HS1BP3: variants seen among roughly 807,000 people sequenced by gnomAD.
HS1BP3 encodes HCLS1 binding protein 3.
A neutral mutation model predicts 33.5 loss-of-function variants in HS1BP3; 32 were observed. That is an observed-to-expected ratio of 0.95 (90% confidence interval 0.72 to 1.28). The LOEUF (loss-of-function observed/expected upper bound fraction) is 1.28, where lower values mean the gene tolerates loss of function less well. HS1BP3 is among the 50% of genes most tolerant of loss of function. HS1BP3 has a pLI of 0.00. For synonymous variants in HS1BP3, 187 were observed against 209.2 expected (o/e 0.89, Z 0.92); for missense variants, 486 against 502.3 (o/e 0.97, Z 0.31).
intron 4 of HS1BP3, among the ~76,000 whole-genome samples, chr2:20,628,903 G>A (rs554342227): frequency 6.6e-6 from 1 of 152,280 alleles, no homozygotes; most frequent in South Asian, 2.1e-4. Context: ...GACCCCTTAG[G>A]TTTGCAGCAG....
downstream of HS1BP3, among the ~76,000 whole-genome samples, chr2:20,558,272 A>G (rs568890298): frequency 6.6e-6 from 1 of 152,184 alleles, no homozygotes; most frequent in East Asian, 1.9e-4. Context: ...GGGGAAGGTA[A>G]TGGAAGGGGT....
At chr2:20,602,739 T>C (rs973884193) in intron 2 of HS1BP3, among the ~76,000 whole-genome samples, 4 of 152,212 alleles carry the variant, frequency 2.6e-5, no homozygotes, top group Non-Finnish European at 5.9e-5. Flanking sequence ...TTGGAGTTCA[T>C]CAAAATTTTA....
intron 6 of HS1BP3, 31 bp downstream of exon 6, chr2:20,623,865 C>T (rs1694681649): frequency 1.2e-6 from 2 of 1,600,454 alleles, no homozygotes; most frequent in African/African-American, 1.3e-5. Context: ...ACTCTCAGAG[C>T]TGGCCAAGCG....
intron 2 of HS1BP3, among the ~76,000 whole-genome samples, chr2:20,601,919 A>C (rs1429724877): frequency 6.6e-6 from 1 of 150,906 alleles, no homozygotes; most frequent in Non-Finnish European, 1.5e-5. Context: ...AAGAGTTTGG[A>C]TTTTATCAGG....
At chr2:20,591,957 G>A (rs1693826170), downstream of HS1BP3, among the ~76,000 whole-genome samples, 1 of 152,152 alleles carries the variant, frequency 6.6e-6, no homozygotes, top group South Asian at 2.1e-4. Context: ...GTGGGTCCTA[G>A]GGGGACGGTT....
chr2:20,599,176 G>C (rs891790912), intron 2 of HS1BP3, among the ~76,000 whole-genome samples: 3 of 152,264 alleles, frequency 2.0e-5, no homozygotes, highest in African/African-American at 7.2e-5. Flanking sequence ...CCAGTAGCTG[G>C]GGCTGTTGGG....
At chr2:20,615,446 T>C (rs1345622617), downstream of HS1BP3, among the ~76,000 whole-genome samples, 1 of 152,214 alleles carries the variant, frequency 6.6e-6, no homozygotes, top group Non-Finnish European at 1.5e-5. Flanking sequence ...GAGCAGGGAA[T>C]GGTTTGGAGC....
downstream of HS1BP3, among the ~76,000 whole-genome samples, chr2:20,556,096 T>C (rs991556525): frequency 1.3e-5 from 2 of 152,194 alleles, no homozygotes; most frequent in African/African-American, 4.8e-5. Flanking sequence ...GAAGAAACCA[T>C]TTGACTGTTT....
At chr2:20,558,577 C>T (rs1174861949), downstream of HS1BP3, among the ~76,000 whole-genome samples, 1 of 152,204 alleles carries the variant, frequency 6.6e-6, no homozygotes. Flanking sequence ...GTGTCAGGCA[C>T]TGCGCTGGCA....
downstream of HS1BP3, among the ~76,000 whole-genome samples, chr2:20,557,576 T>A (rs1168979586): frequency 6.6e-6 from 1 of 152,212 alleles, no homozygotes; most frequent in Non-Finnish European, 1.5e-5. Flanking sequence ...AGCATTTGGA[T>A]GGGATAGAGA....
intron 5 of HS1BP3, among the ~76,000 whole-genome samples, chr2:20,579,548 C>T (rs1693483011): frequency 1.3e-5 from 2 of 152,258 alleles, no homozygotes; most frequent in South Asian, 4.1e-4. Context: ...CATTGTTTGC[C>T]TTGGAAGCCC....
At chr2:20,603,787 T>C (rs1313221207) in intron 2 of HS1BP3, among the ~76,000 whole-genome samples, 1 of 152,260 alleles carries the variant, frequency 6.6e-6, no homozygotes, top group Non-Finnish European at 1.5e-5. Context: ...GAAGCCACCA[T>C]GCTTGGCCTA....
chr2:20,599,989 C>T lies in HS1BP3; in HGVS notation c.179-1724G>A, dbSNP rs191942836. 3.5e-4 allele frequency among the ~76,000 whole-genome samples: 53 copies of T among 152,254 alleles called. 1 individual carries two copies. The highest frequency in any genetic ancestry group is 3.3e-3 in the Admixed American group (51 of 15,308). ...GTGAGAGCTGATTCCAGATGCGAGC[C>T]CTCAGGGGCCTGAGAGTGGTCCCAG... On this transcript the variant is annotated intron_variant, in intron 2 of 3. Coordinates refer to the HS1BP3 transcript ENST00000415264.
At chr2:20,621,245 G>T (rs1694593019) in intron 6 of HS1BP3, among the ~76,000 whole-genome samples, 1 of 152,246 alleles carries the variant, frequency 6.6e-6, no homozygotes, top group South Asian at 2.1e-4. Context: ...GCACCCCCAG[G>T]GGTGGATGCC....
intron 2 of HS1BP3, chr2:20,598,391 TA>T (rs1429058472): frequency 3.0e-5 from 6 of 200,846 alleles, no homozygotes; most frequent in African/African-American, 1.4e-4. Flanking sequence ...TGTGAGAATC[TA>T]ATGCTGCCGC....
chr2:20,644,088 G>C (rs571024128), intron 2 of HS1BP3, among the ~76,000 whole-genome samples: 2 of 152,250 alleles, frequency 1.3e-5, no homozygotes, highest in South Asian at 2.1e-4. Flanking sequence ...GTACTTCGGG[G>C]TCTAGTTCAT....
At chr2:20,571,076 C>T (rs1015346424) in intron 5 of HS1BP3, among the ~76,000 whole-genome samples, 2 of 152,168 alleles carry the variant, frequency 1.3e-5, no homozygotes, top group Non-Finnish European at 2.9e-5. Flanking sequence ...GACAGGGTCC[C>T]CATCTTCTTC....
chr2:20,627,459 G>A (rs928838853), intron 4 of HS1BP3, among the ~76,000 whole-genome samples: 2 of 152,238 alleles, frequency 1.3e-5, no homozygotes, highest in East Asian at 1.9e-4. Context: ...GAGAACAGGC[G>A]CGAGGAGGTC....
intron 2 of HS1BP3, among the ~76,000 whole-genome samples, chr2:20,600,627 C>G (rs539243416): frequency 1.3e-5 from 2 of 152,264 alleles, no homozygotes; most frequent in East Asian, 3.9e-4. Context: ...ATTGTATTTT[C>G]TACATTAAAA....
Sources: allele counts gnomAD v4.1 joint callset (sites outside exome capture counted in the v4.1 genomes callset), GRCh38; gene constraint gnomAD v4.1.1; transcripts MANE v1.5; gene names NCBI Gene and HGNC (gene_info 2026-07-23, HGNC 2026-07-21).